Variants in GNA14 observed in about 807,000 individuals in gnomAD.
GNA14 encodes the protein G protein subunit alpha 14.
Under a neutral mutation model 42.0 loss-of-function variants are expected in GNA14, and 50 were observed. The observed-to-expected ratio is 1.19, with a 90% CI of 0.95 to 1.51. The LOEUF is 1.51. Among genes scored for constraint, GNA14 ranks in the 40% most tolerant of loss-of-function variants. The pLI, the probability that GNA14 is intolerant of heterozygous loss-of-function variation, is 0.00. For synonymous variants in GNA14, 173 were observed against 163.1 expected, an observed-to-expected ratio of 1.06 and a Z score of -0.46; for missense variants, 473 against 446.2, an observed-to-expected ratio of 1.06 and a Z score of -0.54.
intron 1 of GNA14, among the ~76,000 whole-genome samples, chr9:77,623,216 C>CAAAAAAAAAAAAAAA (rs34368561): frequency 1.1e-4 from 3 of 26,854 alleles, no homozygotes; most frequent in Non-Finnish European, 1.3e-4. Flanking sequence ...GACGCTGTCT[C>CAAAAAAAAAAAAAAA]AAAAAAAAAA....
chr9:77,519,669 G>A (rs986313421), intron 2 of GNA14, among the ~76,000 whole-genome samples: 2 of 152,216 alleles, frequency 1.3e-5, no homozygotes, highest in South Asian at 4.2e-4. Flanking sequence ...TGGTGAGGGA[G>A]GAGAGATTAC....
chr9:77,489,881 G>T (rs1587795229), intron 2 of GNA14, among the ~76,000 whole-genome samples: 1 of 152,114 alleles, frequency 6.6e-6, no homozygotes, highest in East Asian at 1.9e-4. Flanking sequence ...AAAGAACAAA[G>T]CTTCCACAAT....
rs866654175 is a variant in GNA14 at position 77,586,953 on chromosome 9, C to A, written c.125-57700G>T. ...GCTTCCAACTTGCTTACCTATATGT[C>A]TGCAGCTCGATTTTACAGGCTGGTT... On this transcript the variant is annotated intron_variant, in intron 1 of 6. Transcript: ENST00000341700. 3.7e-3 allele frequency among the ~76,000 whole-genome samples: 558 copies of A among 150,252 alleles called. 1 individual carries two copies. The highest frequency in any genetic ancestry group is 0.013 in the African/African-American group (521 of 40,704).
At chr9:77,602,201 T>C (rs1166294250) in intron 1 of GNA14, among the ~76,000 whole-genome samples, 1 of 152,200 alleles carries the variant, frequency 6.6e-6, no homozygotes, top group Non-Finnish European at 1.5e-5. Context: ...AAAGCTTGAA[T>C]TATGCTCATA....
At chr9:77,613,107 CCAGA>C (rs1365963857) in intron 1 of GNA14, among the ~76,000 whole-genome samples, 2 of 152,150 alleles carry the variant, frequency 1.3e-5, no homozygotes, top group African/African-American at 4.8e-5. Context: ...GTGAAATAAG[CCAGA>C]CAGAGAAAGA....
intron 1 of GNA14, among the ~76,000 whole-genome samples, chr9:77,646,866 T>G (rs1587860396): frequency 6.6e-6 from 1 of 152,214 alleles, no homozygotes; most frequent in Non-Finnish European, 1.5e-5. Flanking sequence ...TGTTTGAAAG[T>G]GGATGTCCTA....
chr9:77,623,132 C>G (rs545647524), intron 1 of GNA14, among the ~76,000 whole-genome samples: 33 of 137,884 alleles, frequency 2.4e-4, no homozygotes, highest in African/African-American at 7.8e-4. Context: ...AGAAGAATTG[C>G]TTGAACCCGG....
At chr9:77,513,505 C>T (rs939937999) in intron 2 of GNA14, among the ~76,000 whole-genome samples, 5 of 152,216 alleles carry the variant, frequency 3.3e-5, no homozygotes, top group Non-Finnish European at 7.3e-5. Context: ...CTCATTTTAG[C>T]GCCCAGAAGT....
At chr9:77,443,662 G>A (rs1003445738) in intron 2 of GNA14, among the ~76,000 whole-genome samples, 2 of 152,160 alleles carry the variant, frequency 1.3e-5, no homozygotes, top group Non-Finnish European at 1.5e-5. Context: ...GGCCAAGTTC[G>A]TTACTTTATC....
intron 1 of GNA14, among the ~76,000 whole-genome samples, chr9:77,543,922 G>C (rs1427484010): frequency 6.6e-6 from 1 of 152,090 alleles, no homozygotes. Flanking sequence ...ATGCAGTGAG[G>C]CTACAAGGCT....
chr9:77,482,747 T>C lies in GNA14; in HGVS notation c.309+46322A>G, dbSNP rs1166141207. ...AGTCCCATATTTCTTGGAGGCTTTG[T>C]TCATTTCTTTTTATTCTTTTTTCTC... is the stretch of plus-strand genomic sequence containing the variant. On this transcript the variant is annotated intron_variant, in intron 2 of 6. Transcript: ENST00000341700. Among the ~76,000 whole-genome samples, 6 of 152,138 alleles carry C rather than the reference T, an allele frequency of 3.9e-5. No individual in the cohort carries two copies. In the East Asian group the frequency reaches 5.8e-4, roughly 15 times the overall value.
intron 2 of GNA14, among the ~76,000 whole-genome samples, chr9:77,476,215 AT>A (rs1205563104): frequency 6.6e-6 from 1 of 152,218 alleles, no homozygotes; most frequent in Non-Finnish European, 1.5e-5. Flanking sequence ...AATGATTCAG[AT>A]TTTAGATTTT....
chr9:77,603,943 CAAAAAAAAAAAACAAAAAAAAAAAAA>C (rs1464180251), intron 1 of GNA14, among the ~76,000 whole-genome samples: 19 of 40,166 alleles, frequency 4.7e-4, no homozygotes, highest in South Asian at 1.1e-3. Flanking sequence ...GACTCCATCT[CAAAAAAAAAAAACAAAAAAAAAAAAA>C]AAAAAAAAAA....
chr9:77,573,821 G>A (rs1013705679), intron 1 of GNA14, among the ~76,000 whole-genome samples: 1 of 152,138 alleles, frequency 6.6e-6, no homozygotes, highest in African/African-American at 2.4e-5. Context: ...GAGGTTGGGG[G>A]AAACTTTAGT....
intron 2 of GNA14, among the ~76,000 whole-genome samples, chr9:77,523,120 G>A (rs1187759123): frequency 6.6e-6 from 1 of 152,146 alleles, no homozygotes; most frequent in Non-Finnish European, 1.5e-5. Flanking sequence ...TAGATACTTG[G>A]AGTGGAATGG....
intron 1 of GNA14, among the ~76,000 whole-genome samples, chr9:77,587,862 T>A (rs997628850): frequency 2.0e-5 from 3 of 152,210 alleles, no homozygotes; most frequent in African/African-American, 7.2e-5. Context: ...GTTCTGGATT[T>A]CAAAAATCCT....
intron 2 of GNA14, among the ~76,000 whole-genome samples, chr9:77,492,620 T>G (rs114326295): frequency 6.6e-6 from 1 of 151,926 alleles, no homozygotes; most frequent in African/African-American, 2.4e-5. Flanking sequence ...TACGAAGAAA[T>G]AGAAAACCCT....
At chr9:77,547,640 AT>A (rs200458791) in intron 1 of GNA14, among the ~76,000 whole-genome samples, 3 of 151,972 alleles carry the variant, frequency 2.0e-5, no homozygotes, top group Non-Finnish European at 4.4e-5. Flanking sequence ...TGGATTTATT[AT>A]TTTTTTTCTT....
chr9:77,600,134 C>T (rs1823533822), intron 1 of GNA14, among the ~76,000 whole-genome samples: 1 of 152,078 alleles, frequency 6.6e-6, no homozygotes, highest in Non-Finnish European at 1.5e-5. Flanking sequence ...GCATGAATGT[C>T]CTTGTTTGAG....
Sources: gnomAD v4.1 joint callset for allele counts (sites outside exome capture counted in the v4.1 genomes callset) on GRCh38, gnomAD v4.1.1 for gene constraint, MANE v1.5 for transcripts, NCBI Gene and HGNC (gene_info 2026-07-23, HGNC 2026-07-21) for gene names.